AGBL1: variants seen among roughly 807,000 people sequenced by gnomAD.
AGBL1 encodes cytosolic carboxypeptidase 4.
Under a neutral mutation model 118.9 loss-of-function variants are expected in AGBL1, and 130 were observed. The ratio of observed to expected loss-of-function variants is 1.09; its 90% CI spans 0.95 to 1.26. The LOEUF is 1.26. AGBL1 is among the 50% of genes most tolerant of loss of function. The probability of loss-of-function intolerance (pLI) is 0.00; values close to 1 mark genes in which losing one functional copy is unlikely to be tolerated. For missense variants in AGBL1, 1,584 were observed against 1,298.1 expected (o/e 1.22, Z -3.38); for synonymous variants, 555 against 478.9 (o/e 1.16, Z -2.08).
At chr15:86,336,409 A>G (rs773525280) in intron 17 of AGBL1, among the ~76,000 whole-genome samples, 41 of 152,266 alleles carry the variant, frequency 2.7e-4, no homozygotes, top group Non-Finnish European at 4.4e-4. Context: ...TAAACTTATT[A>G]TGAAGCATAA....
intron 1 of AGBL1, among the ~76,000 whole-genome samples, chr15:86,086,540 A>G (rs1049052225): frequency 2.6e-5 from 4 of 152,202 alleles, no homozygotes; most frequent in African/African-American, 9.6e-5. Context: ...AAAAGAATGA[A>G]TATAAAACAG....
At chr15:86,934,394 T>G (rs1378827991) in intron 23 of AGBL1, among the ~76,000 whole-genome samples, 2 of 152,160 alleles carry the variant, frequency 1.3e-5, no homozygotes, top group Non-Finnish European at 2.9e-5. Context: ...TTTAGAACAA[T>G]AGACCAGAAT....
At chr15:86,957,806 T>C (rs1414114447) in intron 23 of AGBL1, among the ~76,000 whole-genome samples, 1 of 152,142 alleles carries the variant, frequency 6.6e-6, no homozygotes, top group East Asian at 1.9e-4. Flanking sequence ...TTAATTCAAT[T>C]AAAATGTTGA....
intron 21 of AGBL1, among the ~76,000 whole-genome samples, chr15:86,569,678 T>A (rs2142307342): frequency 6.6e-6 from 1 of 152,334 alleles, no homozygotes; most frequent in Non-Finnish European, 1.5e-5. Flanking sequence ...ATAATGTCTG[T>A]CAGCATCATG....
chr15:86,405,254 G>A (rs1195920492), intron 18 of AGBL1, among the ~76,000 whole-genome samples: 7 of 151,962 alleles, frequency 4.6e-5, no homozygotes, highest in Non-Finnish European at 2.9e-5. Context: ...GCTCATGCCT[G>A]TAATCCCAGC....
chr15:86,622,145 T>G (rs1368545853), intron 21 of AGBL1, among the ~76,000 whole-genome samples: 4 of 152,038 alleles, frequency 2.6e-5, no homozygotes, highest in African/African-American at 4.8e-5. Flanking sequence ...CTGGCCAACA[T>G]GGTGAAACGT....
intron 21 of AGBL1, among the ~76,000 whole-genome samples, chr15:86,661,521 G>A (rs2085539999): frequency 6.6e-6 from 1 of 151,718 alleles, no homozygotes; most frequent in South Asian, 2.1e-4. Flanking sequence ...ACTAGACTGG[G>A]TTAACATCAT....
chr15:86,095,989 T>A (rs79117080), intron 1 of AGBL1, among the ~76,000 whole-genome samples: 2,268 of 152,084 alleles, frequency 0.015, 34 homozygotes, highest in South Asian at 0.075. Flanking sequence ...TACTTTTATA[T>A]TTTTTTTCAT....
intron 17 of AGBL1, among the ~76,000 whole-genome samples, chr15:86,306,302 T>C (rs2079839440): frequency 6.6e-6 from 1 of 152,130 alleles, no homozygotes; most frequent in South Asian, 2.1e-4. Flanking sequence ...CACCTCCCCC[T>C]GTGACCCTCT....
rs150507515 is a variant in AGBL1, at chr15:86,746,790, C to T, written c.3158+72354C>T. ...ACGCTGGCCCCCTAAAGACTTCAGT[C>T]TATTGGCCGAAACACATGTAACTAT... On this transcript the variant is annotated intron_variant, in intron 22 of 22. Transcript: ENST00000614907. Among the ~76,000 whole-genome samples the T allele has an allele frequency of 5.5e-4, 84 of 152,078 alleles. 2 individuals carry two copies. Among genetic ancestry groups the T allele is most frequent in the Admixed American group, 2.0e-3 (31 of 15,236 alleles).
At chr15:86,860,105 C>A (rs1567211335) in intron 22 of AGBL1, among the ~76,000 whole-genome samples, 1 of 152,132 alleles carries the variant, frequency 6.6e-6, no homozygotes, top group Non-Finnish European at 1.5e-5. Flanking sequence ...GCCCTACGAA[C>A]CTAACTTAGT....
chr15:86,391,583 A>G (rs2032672937), intron 17 of AGBL1, among the ~76,000 whole-genome samples: 2 of 148,536 alleles, frequency 1.3e-5, no homozygotes, highest in Admixed American at 6.7e-5. Flanking sequence ...CCCACTATCT[A>G]ATTCTTCAGC....
intron 22 of AGBL1, among the ~76,000 whole-genome samples, chr15:86,704,950 C>T (rs1466561586): frequency 6.6e-6 from 1 of 152,094 alleles, no homozygotes. Flanking sequence ...TACTATGCAG[C>T]CATAAAAAGG....
chr15:86,693,649 C>T (rs1425172280), intron 22 of AGBL1, among the ~76,000 whole-genome samples: 3 of 152,040 alleles, frequency 2.0e-5, no homozygotes, highest in Non-Finnish European at 4.4e-5. Flanking sequence ...TTGGGGAGTT[C>T]TTGGTCATAA....
chr15:86,098,670 A>G lies in AGBL1; in HGVS notation c.51+18647A>G, dbSNP rs182439215. Among the ~76,000 whole-genome samples, 32 of 152,224 alleles carry G rather than the reference A, an allele frequency of 2.1e-4. No individual in the cohort carries two copies. The East Asian group carries it at 6.0e-3, about 28-fold the overall frequency. On this transcript the variant is annotated intron_variant, in intron 1 of 22. Transcript: ENST00000614907. Reference sequence around the variant, plus strand: ...GTTCTTTATTCTGTTTCACTGGTCTATGTATCTGTTTTTGTACAAATACCA... The same window carrying G: ...GTTCTTTATTCTGTTTCACTGGTCTGTGTATCTGTTTTTGTACAAATACCA...
chr15:86,429,920 C>T (rs904589775), intron 18 of AGBL1, among the ~76,000 whole-genome samples: 2 of 152,200 alleles, frequency 1.3e-5, no homozygotes, highest in Admixed American at 1.3e-4. Flanking sequence ...GTTCAGTCAG[C>T]TCTTTAGCCT....
intron 22 of AGBL1, among the ~76,000 whole-genome samples, chr15:86,770,045 A>G (rs1567165619): frequency 6.6e-6 from 1 of 152,026 alleles, no homozygotes; most frequent in East Asian, 1.9e-4. Context: ...TACCTCTGCA[A>G]TAGGATGAAA....
Position 86,264,586 on chromosome 15 carries a change from C to A in AGBL1, c.1415C>A (p.Ala472Glu). The stretch of plus-strand genomic sequence containing the variant: ...AAAGCAGATGCCTGGGACGTAGATG[C>A]AATTTTCTGCCCAAGGATGAGTGCC... ...SPKADAWDVD[A>E]IFCPRMSASF... The change falls in exon 11 of 23, where the codon GCA becomes GAA. Residue 472 changes from alanine (A) to glutamate (E), a missense_variant. Coordinates refer to ENST00000614907, the MANE Select transcript of AGBL1 (RefSeq NM_001386094.1). The A allele has an allele frequency of 6.2e-7, 1 of 1,613,914 alleles. No homozygotes were observed. The highest frequency in any genetic ancestry group is 1.1e-5 in the South Asian group (1 of 91,060).
intron 1 of AGBL1, among the ~76,000 whole-genome samples, chr15:86,123,299 G>A (rs1330848515): frequency 6.6e-6 from 1 of 152,150 alleles, no homozygotes; most frequent in African/African-American, 2.4e-5. Flanking sequence ...GAGTGCAGTG[G>A]CACAATCTCA....
Sources: allele counts gnomAD v4.1 joint callset (sites outside exome capture counted in the v4.1 genomes callset), GRCh38; gene constraint gnomAD v4.1.1; transcripts MANE v1.5; gene names NCBI Gene and HGNC (gene_info 2026-07-23, HGNC 2026-07-21).